EHMT1: variants seen among roughly 807,000 people sequenced by gnomAD.
EHMT1 encodes the protein euchromatic histone lysine methyltransferase 1.
A neutral mutation model predicts 147.2 loss-of-function variants in EHMT1; 15 were observed. The ratio of observed to expected loss-of-function variants is 0.10; its 90% CI spans 0.07 to 0.16. EHMT1 has a LOEUF of 0.16. EHMT1 is among the 10% of genes least tolerant of loss of function. EHMT1 has a pLI of 1.00. For synonymous variants in EHMT1, 795 were observed against 709.6 expected, an observed-to-expected ratio of 1.12 and a Z score of -1.91; for missense variants, 1,587 against 1,772.4, an observed-to-expected ratio of 0.90 and a Z score of 1.88.
At chr9:137,686,822 C>G (rs1942487023) in intron 1 of EHMT1, among the ~76,000 whole-genome samples, 1 of 151,260 alleles carries the variant, frequency 6.6e-6, no homozygotes, top group Admixed American at 6.6e-5. Flanking sequence ...GCTCTGCCTC[C>G]CGGGTTCATG....
chr9:137,810,047 G>C (rs2137625820), intron 18 of EHMT1, among the ~76,000 whole-genome samples: 1 of 122,634 alleles, frequency 8.2e-6, no homozygotes, highest in Middle Eastern at 3.7e-3. Flanking sequence ...TTCCGATGCC[G>C]CCCCGTGTGG....
At chr9:137,833,856 G>A (rs1346634894) in intron 25 of EHMT1, among the ~76,000 whole-genome samples, 1 of 152,336 alleles carries the variant, frequency 6.6e-6, no homozygotes, top group East Asian at 1.9e-4. Context: ...ATTCGCCACT[G>A]AGTCTTCCCA....
chr9:137,834,866 G>A lies in EHMT1; in HGVS notation c.3810G>A (p.Leu1270=). Residue 1270 remains leucine, a synonymous_variant, in exon 27 of 27, where the codon CTG becomes CTA. Transcript: ENST00000460843. ...SPKCRHSSAA[L]AQRQASAAQE... ...AGTGCCGGCACTCGAGCGCGGCCCT[G>A]GCCCAGCGTCAGGCCAGCGCGGCCC... The A allele has an allele frequency of 2.5e-6, 4 of 1,611,324 alleles. No homozygotes were observed. In the East Asian group the frequency reaches 8.9e-5, roughly 36 times the overall value.
At chr9:137,750,822 G>C (rs561915894) in intron 6 of EHMT1, among the ~76,000 whole-genome samples, 1 of 152,374 alleles carries the variant, frequency 6.6e-6, no homozygotes, top group South Asian at 2.1e-4. Context: ...TAATGAGTGG[G>C]ACAGGGAGCC....
chr9:137,682,796 G>A (rs905650462), intron 1 of EHMT1, among the ~76,000 whole-genome samples: 3 of 152,208 alleles, frequency 2.0e-5, no homozygotes, highest in East Asian at 1.9e-4. Flanking sequence ...CAGGCCCCAC[G>A]GCTGGAGAGG....
intron 3 of EHMT1, among the ~76,000 whole-genome samples, chr9:137,723,720 A>T (rs1251903985): frequency 6.6e-6 from 1 of 152,240 alleles, no homozygotes; most frequent in Non-Finnish European, 1.5e-5. Flanking sequence ...GTATTTTTTT[A>T]AAGCCACAAT....
At chr9:137,800,582 C>T (rs1413710439) in intron 17 of EHMT1, 2 of 476,174 alleles carry the variant, frequency 4.2e-6, no homozygotes, top group African/African-American at 3.9e-5. Flanking sequence ...GTTGGTGCGT[C>T]CCCAGTGAGT....
At chr9:137,816,102 G>C (rs568856167) in intron 23 of EHMT1, 40 bp downstream of exon 23, 1 of 1,503,924 alleles carries the variant, frequency 6.6e-7, no homozygotes, top group East Asian at 2.4e-5. Context: ...CATTCTGCTC[G>C]TATTAGCACG....
At chr9:137,778,170 GT>G in intron 13 of EHMT1, 115 bp downstream of exon 13, 1 of 1,303,592 alleles carries the variant, frequency 7.7e-7, no homozygotes, top group Non-Finnish European at 1.1e-6. Flanking sequence ...AATGCTGTTC[GT>G]TAGAATAATT....
rs553024924 is a variant in EHMT1 at position 137,725,236 on chromosome 9, G to C, written c.643-3113G>C. 8.0e-5 allele frequency among the ~76,000 whole-genome samples: 12 copies of C among 150,828 alleles called. No homozygotes were observed. The East Asian group carries it at 2.2e-3, about 27-fold the overall frequency. The stretch of plus-strand genomic sequence containing the variant: ...GGGGCAGGTATGTGGCATTCGTGGG[G>C]CAGATGTGGGGCAGACATGTGGCCT... On this transcript the variant is annotated intron_variant, in intron 3 of 26. Transcript: ENST00000460843.
At chr9:137,674,999 CTGA>C (rs1304299247) in intron 1 of EHMT1, 1 of 152,154 alleles carries the variant, frequency 6.6e-6, no homozygotes, top group Non-Finnish European at 1.5e-5. Context: ...CGTAAGGTCT[CTGA>C]TGCATATTCT....
chr9:137,646,257 G>A (rs1017378870), intron 1 of EHMT1: 13 of 795,654 alleles, frequency 1.6e-5, no homozygotes, highest in Non-Finnish European at 2.0e-5. Context: ...ACTGTGCCTG[G>A]CCTATTTTTA....
chr9:137,709,864 C>G (rs1017524354), intron 1 of EHMT1, among the ~76,000 whole-genome samples: 1 of 152,136 alleles, frequency 6.6e-6, no homozygotes, highest in Non-Finnish European at 1.5e-5. Flanking sequence ...CTGCCCACTT[C>G]CAGCTTCCAG....
rs786205128 is a variant in EHMT1, at chr9:137,777,891, G to GCCA, written c.2033_2035dup (p.Pro678dup). ...ATTTCCTCCCCTGAAGTGCTGCCGG[G>GCCA]CCACCACTCTCGGAGGACGACAAGC... On this transcript the variant is annotated inframe_insertion, in exon 13 of 27. Coordinates refer to ENST00000460843, the MANE Select transcript of EHMT1 (RefSeq NM_024757.5). 1 of 1,613,190 alleles carries GCCA rather than the reference G, an allele frequency of 6.2e-7. No individual in the cohort carries two copies. Among genetic ancestry groups the GCCA allele is most frequent in the Admixed American group, 1.7e-5 (1 of 60,014 alleles).
chr9:137,827,852 A>G (rs540830410), intron 25 of EHMT1, among the ~76,000 whole-genome samples: 94 of 150,854 alleles, frequency 6.2e-4, no homozygotes, highest in African/African-American at 2.2e-3. Flanking sequence ...CCCGAAACCT[A>G]GGTGGAAGGT....
intron 1 of EHMT1, among the ~76,000 whole-genome samples, chr9:137,635,817 C>CA (rs1198186449): frequency 6.6e-6 from 1 of 151,146 alleles, no homozygotes. Context: ...GAGACTGTCT[C>CA]AAAAAACAAA....
chr9:137,678,308 A>G (rs1445124076), intron 1 of EHMT1, among the ~76,000 whole-genome samples: 1 of 152,156 alleles, frequency 6.6e-6, no homozygotes, highest in Non-Finnish European at 1.5e-5. Context: ...TGGCACCTCC[A>G]TGGCTTTTCC....
intron 1 of EHMT1, among the ~76,000 whole-genome samples, chr9:137,668,333 TCACCCACCCACCACCTGGCACATA>T (rs1317003368): frequency 4.9e-5 from 7 of 144,038 alleles, no homozygotes; most frequent in Admixed American, 4.2e-4. Context: ...CACCCACCAC[TCACCCACCCACCACCTGGCACATA>T]CACCCACCCA....
Position 137,728,505 on chromosome 9 carries a change from A to T in EHMT1, c.799A>T (p.Met267Leu). ...GTCGCTACCTCAGAACCAGTGCTACATGGCCACCACAAAATCACAGACAGG... is the reference window on the plus strand; with the variant it reads ...GTCGCTACCTCAGAACCAGTGCTACTTGGCCACCACAAAATCACAGACAGG... ...HQSLPQNQCY[M>L]ATTKSQTACL... is the part of the protein sequence containing the mutation. Residue 267 changes from methionine to leucine, a missense_variant, in exon 4 of 27, where the codon ATG becomes TTG. Met to Leu is a conservative substitution (Grantham distance 15, BLOSUM62 2). Coordinates refer to ENST00000460843, the MANE Select transcript of EHMT1 (RefSeq NM_024757.5). The T allele has an allele frequency of 1.2e-6, 2 of 1,614,140 alleles. No homozygotes were observed. The highest frequency in any genetic ancestry group is 1.7e-6 in the Non-Finnish European group (2 of 1,180,020).
Sources: gnomAD v4.1 joint callset for allele counts (sites outside exome capture counted in the v4.1 genomes callset) on GRCh38, gnomAD v4.1.1 for gene constraint, MANE v1.5 for transcripts, NCBI Gene and HGNC (gene_info 2026-07-23, HGNC 2026-07-21) for gene names.